Variants in TRIM44 observed in about 807,000 individuals in gnomAD.
TRIM44 encodes tripartite motif-containing protein 44.
TRIM44 carries 13 observed loss-of-function variants against 37.4 expected under a neutral mutation model. The ratio of observed to expected loss-of-function variants is 0.35; its 90% CI spans 0.23 to 0.55. TRIM44 has a LOEUF of 0.55. Ranked by LOEUF, TRIM44 falls within the 20% of genes least tolerant of loss-of-function variation. TRIM44 has a pLI of 0.89. For missense variants in TRIM44, 426 were observed against 437.2 expected (o/e 0.97, Z 0.23); for synonymous variants, 175 against 157.2 (o/e 1.11, Z -0.85).
At chr11:35,750,559 T>C (rs1852547873) in intron 4 of TRIM44, among the ~76,000 whole-genome samples, 1 of 152,220 alleles carries the variant, frequency 6.6e-6, no homozygotes, top group Non-Finnish European at 1.5e-5. Context: ...ATGTTTAGTT[T>C]GTTTAACCTG....
In TRIM44 at chr11:35,705,547, A is replaced by G. The variant is rs28886055; in HGVS notation, c.747+20211A>G. On this transcript the variant is annotated intron_variant, in intron 2 of 4. Coordinates refer to ENST00000299413, the MANE Select transcript of TRIM44 (RefSeq NM_017583.6). ...CCTCAGCAAATGTAAAAGATCAGAA[A>G]TTATAGCAAACTGTCTCTCAGACCA... 0.014 allele frequency among the ~76,000 whole-genome samples: 2,110 copies of G among 152,274 alleles called. 119 individuals carry two copies. The East Asian group carries it at 0.14, about 10-fold the overall frequency.
rs570388559 is a variant in TRIM44 at position 35,755,331 on chromosome 11, TG to T, written c.1007+19887del. Among the ~76,000 whole-genome samples, 161 of 150,980 alleles carry T rather than the reference TG, an allele frequency of 1.1e-3. 1 individual carries two copies. Among genetic ancestry groups the T allele is most frequent in the African/African-American group, 3.6e-3 (151 of 41,532 alleles). ...TTGAGAAGTGTCTGTTCATATCTTT[TG>T]CCCACTTGTTAATGGGGTTGTTTGT... On this transcript the variant is annotated intron_variant, in intron 4 of 4. Coordinates refer to ENST00000299413, the MANE Select transcript of TRIM44 (RefSeq NM_017583.6).
intron 4 of TRIM44, among the ~76,000 whole-genome samples, chr11:35,747,547 C>T (rs985660205): frequency 6.6e-6 from 1 of 152,090 alleles, no homozygotes; most frequent in Non-Finnish European, 1.5e-5. Flanking sequence ...AAAAGTAAAG[C>T]TGATGGATGG....
intron 1 of TRIM44, among the ~76,000 whole-genome samples, chr11:35,679,870 C>T (rs956744818): frequency 6.6e-6 from 1 of 152,092 alleles, no homozygotes; most frequent in African/African-American, 2.4e-5. Context: ...AAAACAGAAA[C>T]CCAGGGATGT....
At chr11:35,776,449 T>A (rs949219757) in intron 4 of TRIM44, among the ~76,000 whole-genome samples, 1 of 152,228 alleles carries the variant, frequency 6.6e-6, no homozygotes, top group Admixed American at 6.5e-5. Context: ...TTTTTGTGTC[T>A]CTATCTCCTT....
At chr11:35,703,514 G>A (rs1029017010) in intron 2 of TRIM44, among the ~76,000 whole-genome samples, 2 of 152,208 alleles carry the variant, frequency 1.3e-5, no homozygotes, top group Non-Finnish European at 2.9e-5. Context: ...GCACCCCCCA[G>A]TAGGGGTAGA....
At chr11:35,723,736 T>C (rs1590543475) in intron 2 of TRIM44, among the ~76,000 whole-genome samples, 1 of 152,194 alleles carries the variant, frequency 6.6e-6, no homozygotes, top group Admixed American at 6.5e-5. Context: ...GTAAAATAGG[T>C]TGTGAGTCAG....
At chr11:35,674,069 A>C (rs370265807) in intron 1 of TRIM44, among the ~76,000 whole-genome samples, 1 of 152,108 alleles carries the variant, frequency 6.6e-6, no homozygotes, top group Non-Finnish European at 1.5e-5. Flanking sequence ...AGGAACACAG[A>C]TGCTCATGGA....
At chr11:35,669,384 T>C (rs1464656993) in intron 1 of TRIM44, among the ~76,000 whole-genome samples, 4 of 152,174 alleles carry the variant, frequency 2.6e-5, no homozygotes, top group African/African-American at 9.7e-5. Context: ...ACAAGTTTAG[T>C]TTGCTTTTAC....
intron 4 of TRIM44, among the ~76,000 whole-genome samples, chr11:35,774,319 A>T (rs1049753803): frequency 3.3e-5 from 5 of 150,424 alleles, no homozygotes; most frequent in African/African-American, 1.2e-4. Context: ...GATGGGGTTG[A>T]TTTTTTTCTT....
Position 35,812,874 on chromosome 11 carries a change from G to T in TRIM44, c.*6489G>T, listed in dbSNP as rs1399460561. On this transcript the variant is annotated 3_prime_UTR_variant, in exon 5 of 5. Coordinates refer to ENST00000299413, the MANE Select transcript of TRIM44 (RefSeq NM_017583.6). Reference sequence around the variant, plus strand: ...CCTGAAACTGTACTTTTGGAAGGGAGAACTGTTAGACTTGCTTTATCTTCT... The same window carrying T: ...CCTGAAACTGTACTTTTGGAAGGGATAACTGTTAGACTTGCTTTATCTTCT... 1 of 152,198 alleles carries T rather than the reference G, an allele frequency of 6.6e-6. No homozygotes were observed. Among genetic ancestry groups the T allele is most frequent in the Non-Finnish European group, 1.5e-5 (1 of 68,032 alleles). The allele number at this position is 152,198 out of a possible 1,614,324, so 9.4% of individuals were successfully genotyped here. A position where few individuals can be genotyped will look rare whatever the true frequency, so the allele number is the denominator to read the frequency against.
rs1271615951 is a variant in TRIM44, at chr11:35,808,153, G to C, written c.*1768G>C. The C allele has an allele frequency of 1.4e-5, 2 of 139,624 alleles. No homozygotes were observed. The highest frequency in any genetic ancestry group is 1.5e-5 in the Non-Finnish European group (1 of 66,070). 8.6% of individuals were successfully genotyped at this position (139,624 alleles called of 1,614,324 possible). ...GCATATATGCTTCTAGGTTAGGATT[G>C]TCCTGACTCACTAAAGATGCCAGGA... is the stretch of plus-strand genomic sequence containing the variant. On this transcript the variant is annotated 3_prime_UTR_variant, in exon 5 of 5. Transcript: ENST00000299413.
At chr11:35,684,776 A>C (rs1851554985) in intron 1 of TRIM44, among the ~76,000 whole-genome samples, 1 of 152,196 alleles carries the variant, frequency 6.6e-6, no homozygotes, top group African/African-American at 2.4e-5. Context: ...TACCACACCC[A>C]GTTAAAAAAC....
intron 4 of TRIM44, among the ~76,000 whole-genome samples, chr11:35,751,066 G>GT (rs1454459793): frequency 6.6e-6 from 1 of 152,048 alleles, no homozygotes; most frequent in African/African-American, 2.4e-5. Context: ...TGGTACCACT[G>GT]TAAAACAAGC....
At position 35,812,190 on chromosome 11, in the gene TRIM44, A is replaced by G. The variant is rs1032862455; in HGVS notation, c.*5805A>G. 10 of 152,142 alleles carry G rather than the reference A, an allele frequency of 6.6e-5. No individual in the cohort carries two copies. The highest frequency in any genetic ancestry group is 1.3e-4 in the Non-Finnish European group (9 of 68,022). 9.4% of individuals were successfully genotyped at this position (152,142 alleles called of 1,614,324 possible). A position where few individuals can be genotyped will look rare whatever the true frequency, so the allele number is the denominator to read the frequency against. On this transcript the variant is annotated 3_prime_UTR_variant, in exon 5 of 5. Transcript: ENST00000299413. The stretch of plus-strand genomic sequence containing the variant: ...ATTTTATTACTCTTTGTTTGGTCCA[A>G]CATGGCCCCATTTCCTTTATACTCA...
chr11:35,775,576 T>C (rs1347659604), intron 4 of TRIM44, among the ~76,000 whole-genome samples: 1 of 152,200 alleles, frequency 6.6e-6, no homozygotes, highest in East Asian at 1.9e-4. Context: ...TTCCAGTTTT[T>C]GCCCATTCAG....
At chr11:35,715,695 A>G (rs925391461) in intron 2 of TRIM44, among the ~76,000 whole-genome samples, 3 of 152,082 alleles carry the variant, frequency 2.0e-5, no homozygotes, top group Non-Finnish European at 2.9e-5. Context: ...ACTACCTGAG[A>G]CTGGGTAATT....
In TRIM44 at chr11:35,663,464, A is replaced by G. The variant is rs142324712; in HGVS notation, c.353A>G (p.Glu118Gly). Residue 118 changes from glutamate to glycine, a missense_variant, in exon 1 of 5, where the codon GAG (glutamate) becomes GGG (glycine). Physicochemically the swap from Glu to Gly is moderately conservative, Grantham distance 98 (BLOSUM62 -2). Around this residue, in one of 2 missense-constraint regions of TRIM44, gnomAD observed 331 missense variants for 303.0 expected, o/e 1.09. Transcript: ENST00000299413. ...EEESETEEES[E>G]DESDEESEED... ...GAGAGCGAGACAGAGGAAGAGAGTG[A>G]GGATGAGAGCGATGAGGAGAGTGAA... The G allele has an allele frequency of 5.1e-6, 8 of 1,565,912 alleles. No individual in the cohort carries two copies. In the African/African-American group the frequency reaches 9.5e-5, roughly 19 times the overall value.
intron 4 of TRIM44, among the ~76,000 whole-genome samples, chr11:35,770,767 G>A (rs1479977165): frequency 1.3e-5 from 2 of 152,074 alleles, no homozygotes; most frequent in Non-Finnish European, 2.9e-5. Context: ...TTGTAGGAGG[G>A]ACCCAGTGGG....
Sources: allele counts gnomAD v4.1 joint callset (sites outside exome capture counted in the v4.1 genomes callset), GRCh38; gene constraint gnomAD v4.1.1; regional missense constraint gnomAD v4.1.1; transcripts MANE v1.5; gene names NCBI Gene and HGNC (gene_info 2026-07-23, HGNC 2026-07-21).